Variants in ANK1 observed in about 807,000 individuals in gnomAD.
The protein encoded by ANK1 is ankyrin-1.
In ANK1, 51 loss-of-function variants were observed where a neutral mutation model predicts 210.4. The observed-to-expected ratio is 0.24, with a 90% CI of 0.19 to 0.31. The LOEUF is 0.31. Ranked by LOEUF, ANK1 falls within the 10% of genes least tolerant of loss-of-function variation. The probability of loss-of-function intolerance (pLI) is 1.00; values close to 1 mark genes in which losing one functional copy is unlikely to be tolerated. For missense variants in ANK1, 2,051 were observed against 2,504.4 expected (o/e 0.82, Z 3.86); for synonymous variants, 967 against 1,025.9 (o/e 0.94, Z 1.10).
rs202233115 is a variant in ANK1, at chr8:41,704,047, G to A, written c.2289C>T (p.Val763=). The part of the protein sequence containing the change: ...LLKNGASPNE[V]SSDGTTPLAI... Reference sequence around the variant, plus strand: ...GGAGAGAGAGTGTACTCACCGAGCTGACCTCGTTTGGGGAAGCACCGTTTT... The same window carrying A: ...GGAGAGAGAGTGTACTCACCGAGCTAACCTCGTTTGGGGAAGCACCGTTTT... Residue 763 remains valine (V), a synonymous_variant, in exon 20 of 43, where the codon GTC becomes GTT. Transcript: ENST00000289734. The surrounding 1 kb of genome is among the most constrained non-coding windows in gnomAD (Gnocchi z 4.1). The A allele has an allele frequency of 6.2e-7, 1 of 1,613,976 alleles. No homozygotes were observed. The highest frequency in any genetic ancestry group is 8.5e-7 in the Non-Finnish European group (1 of 1,179,912).
At chr8:41,790,840 G>C (rs10958699) in intron 1 of ANK1, among the ~76,000 whole-genome samples, 1 of 152,028 alleles carries the variant, frequency 6.6e-6, no homozygotes, top group Admixed American at 6.5e-5. Context: ...AAATCACGCC[G>C]TGTAGACAGA....
At chr8:41,668,049 C>G (rs1811105043) in intron 39 of ANK1, among the ~76,000 whole-genome samples, 1 of 152,252 alleles carries the variant, frequency 6.6e-6, no homozygotes, top group Admixed American at 6.5e-5. Flanking sequence ...CTCTGATCAG[C>G]AGCTGCCCAA....
chr8:41,793,974 C>T (rs1453787351), intron 1 of ANK1, among the ~76,000 whole-genome samples: 2 of 152,088 alleles, frequency 1.3e-5, no homozygotes, highest in African/African-American at 4.8e-5. Context: ...CCTATGTATC[C>T]CAGAGGGAAG....
Position 41,725,882 on chromosome 8 carries a change from A to C in ANK1, c.491T>G (p.Ile164Ser). The C allele has an allele frequency of 6.2e-7, 1 of 1,613,526 alleles. No individual in the cohort carries two copies. The highest frequency in any genetic ancestry group is 2.2e-5 in the East Asian group (1 of 44,862). Residue 164 changes from isoleucine (I) to serine (S), a missense_variant, in exon 6 of 43, where the codon ATC becomes AGC. Transcript: ENST00000289734. ...QGHENVVAHL[I>S]NYGTKGKVRL... ...CACCTTCCCCTTGGTGCCGTAGTTG[A>C]TGAGGTGCGCGACGACGTTCTCATG...
intron 1 of ANK1, among the ~76,000 whole-genome samples, chr8:41,822,122 GAGAAAGAAAGAGAA>G (rs1457145768): frequency 0.016 from 501 of 31,802 alleles, 5 homozygotes; most frequent in African/African-American, 0.045. Flanking sequence ...GAGAAAGAAA[GAGAAAGAAAGAGAA>G]AGAAAGAAAG....
chr8:41,743,819 T>A (rs1263529047), intron 2 of ANK1, among the ~76,000 whole-genome samples: 1 of 152,142 alleles, frequency 6.6e-6, no homozygotes, highest in Non-Finnish European at 1.5e-5. Context: ...CATATATATA[T>A]ATATACATAG....
chr8:41,699,840 C>T (rs1822205990), intron 22 of ANK1, among the ~76,000 whole-genome samples: 1 of 152,232 alleles, frequency 6.6e-6, no homozygotes, highest in African/African-American at 2.4e-5. Context: ...CAAAACAGCC[C>T]TTTTAGCTGT....
At chr8:41,784,344 A>T (rs1444391965) in intron 1 of ANK1, among the ~76,000 whole-genome samples, 3 of 152,228 alleles carry the variant, frequency 2.0e-5, no homozygotes, top group African/African-American at 7.2e-5. Context: ...AGCTCTCAGT[A>T]TTTAGTGAAT....
chr8:41,838,427 C>T (rs1489826218), intron 1 of ANK1, among the ~76,000 whole-genome samples: 3 of 152,250 alleles, frequency 2.0e-5, no homozygotes, highest in African/African-American at 7.2e-5. Context: ...AAGCACTTAC[C>T]GTGTGCCCCA....
At chr8:41,856,765 C>CA (rs1477973139) in intron 1 of ANK1, among the ~76,000 whole-genome samples, 2 of 150,606 alleles carry the variant, frequency 1.3e-5, no homozygotes, top group African/African-American at 4.9e-5. Flanking sequence ...ATTCCAAAAT[C>CA]CAAAAAAAAA....
At chr8:41,667,434 C>A (rs549712193) in intron 39 of ANK1, among the ~76,000 whole-genome samples, 1 of 152,256 alleles carries the variant, frequency 6.6e-6, no homozygotes, top group Admixed American at 6.5e-5. Context: ...AACAGTGGTG[C>A]ATGTTTTATA....
intron 1 of ANK1, among the ~76,000 whole-genome samples, chr8:41,872,140 G>A (rs771934593): frequency 7.2e-5 from 11 of 152,210 alleles, no homozygotes; most frequent in Non-Finnish European, 1.5e-4. Flanking sequence ...CACACAAAAC[G>A]CTTCCTCCAA....
chr8:41,717,374 C>T (rs549954719), intron 12 of ANK1, among the ~76,000 whole-genome samples: 1 of 152,386 alleles, frequency 6.6e-6, no homozygotes, highest in East Asian at 1.9e-4. Context: ...TGAACACTTA[C>T]AGACGTTCCA....
At chr8:41,671,415 G>A (rs749025906) in intron 38 of ANK1, among the ~76,000 whole-genome samples, 5 of 152,132 alleles carry the variant, frequency 3.3e-5, no homozygotes, top group Non-Finnish European at 5.9e-5. Context: ...CGCAAGGGGA[G>A]AGGAGCTCCG....
intron 30 of ANK1, 28 bp from the exon 31 acceptor site, chr8:41,692,904 C>T (rs1319352587): frequency 5.6e-6 from 9 of 1,602,384 alleles, no homozygotes; most frequent in Admixed American, 1.7e-5. Flanking sequence ...TTATGTGTTC[C>T]CAAGTGCCCA....
chr8:41,877,516 TG>T (rs1330048321), intron 1 of ANK1, among the ~76,000 whole-genome samples: 1 of 152,226 alleles, frequency 6.6e-6, no homozygotes, highest in Non-Finnish European at 1.5e-5. Flanking sequence ...TATACACTTA[TG>T]GAGAACCAAC....
At chr8:41,757,191 A>G (rs1447769451) in intron 2 of ANK1, among the ~76,000 whole-genome samples, 2 of 152,266 alleles carry the variant, frequency 1.3e-5, no homozygotes, top group Non-Finnish European at 2.9e-5. Context: ...AGGAAATTCT[A>G]TGCTGCATAT....
In ANK1 at chr8:41,664,778, C is replaced by A. The variant is rs1281462448; in HGVS notation, c.5395-1036G>T. On this transcript the variant is annotated intron_variant, in intron 39 of 42. Coordinates refer to ENST00000289734, the MANE Select transcript of ANK1 (RefSeq NM_000037.4). ...GGCCTCCGGCGCCCACACCACCAGCCCTGCCGGCCTCCTGCCAGGCGGTTA... is the reference window on the plus strand; with the variant it reads ...GGCCTCCGGCGCCCACACCACCAGCACTGCCGGCCTCCTGCCAGGCGGTTA... 7 of 1,580,572 alleles carry A rather than the reference C, an allele frequency of 4.4e-6. No individual in the cohort carries two copies. The South Asian group carries it at 5.7e-5, about 13-fold the overall frequency.
At chr8:41,788,180 A>G (rs192519347) in intron 1 of ANK1, among the ~76,000 whole-genome samples, 2 of 152,340 alleles carry the variant, frequency 1.3e-5, no homozygotes, top group African/African-American at 4.8e-5. Flanking sequence ...AGTCTCGATG[A>G]CAGATTCAAG....
Sources: allele counts gnomAD v4.1 joint callset (sites outside exome capture counted in the v4.1 genomes callset), GRCh38; gene constraint gnomAD v4.1.1; non-coding constraint Gnocchi (gnomAD v3.1); transcripts MANE v1.5; gene names NCBI Gene and HGNC (gene_info 2026-07-23, HGNC 2026-07-21).